PPP1R12B: variants seen among roughly 807,000 people sequenced by gnomAD.
PPP1R12B encodes protein phosphatase 1 regulatory subunit 12B, also known as myosin phosphatase target subunit 2.
In PPP1R12B, 76 loss-of-function variants were observed where a neutral mutation model predicts 126.1. The observed-to-expected ratio is 0.60, with a 90% CI of 0.50 to 0.73. The LOEUF (loss-of-function observed/expected upper bound fraction) is 0.73, where lower values mean the gene tolerates loss of function less well. Among genes scored for constraint, PPP1R12B ranks in the 30% least tolerant of loss-of-function variants. The pLI is 0.00. For missense variants in PPP1R12B, 1,052 were observed against 1,205.1 expected (o/e 0.87, Z 1.88); for synonymous variants, 356 against 434.7 (o/e 0.82, Z 2.25).
chr1:202,402,772 G>A (rs1289458987), intron 1 of PPP1R12B, among the ~76,000 whole-genome samples: 3 of 152,094 alleles, frequency 2.0e-5, no homozygotes, highest in Admixed American at 6.6e-5. Flanking sequence ...CTACAGTGAG[G>A]GGTAACATAT....
At chr1:202,514,579 A>G (rs961641958) in intron 18 of PPP1R12B, among the ~76,000 whole-genome samples, 1 of 152,158 alleles carries the variant, frequency 6.6e-6, no homozygotes, top group African/African-American at 2.4e-5. Context: ...TAAGTCTTTA[A>G]TCCATCCTGA....
intron 1 of PPP1R12B, among the ~76,000 whole-genome samples, chr1:202,397,857 G>C (rs1231295947): frequency 6.6e-6 from 1 of 152,156 alleles, no homozygotes; most frequent in Non-Finnish European, 1.5e-5. Context: ...TGATAGCAAT[G>C]GTAGTAGTAA....
intron 13 of PPP1R12B, among the ~76,000 whole-genome samples, chr1:202,476,782 A>G (rs1676730760): frequency 6.6e-6 from 1 of 152,032 alleles, no homozygotes; most frequent in Non-Finnish European, 1.5e-5. Context: ...TGGAGTGAAC[A>G]TGTTTAAATA....
intron 1 of PPP1R12B, among the ~76,000 whole-genome samples, chr1:202,398,330 A>G (rs1263252718): frequency 6.6e-6 from 1 of 152,238 alleles, no homozygotes; most frequent in Non-Finnish European, 1.5e-5. Flanking sequence ...GGATTTTTAC[A>G]TATGTGACAT....
chr1:202,402,311 C>A (rs1201351670), intron 1 of PPP1R12B, among the ~76,000 whole-genome samples: 3 of 152,212 alleles, frequency 2.0e-5, no homozygotes, highest in Non-Finnish European at 2.9e-5. Context: ...TACCAGTAAG[C>A]TAGTCGGGGA....
intron 13 of PPP1R12B, among the ~76,000 whole-genome samples, chr1:202,453,707 C>CTT (rs60983248): frequency 1.4e-5 from 2 of 145,800 alleles, no homozygotes; most frequent in African/African-American, 2.5e-5. Flanking sequence ...TATAAAGACA[C>CTT]TTTTTTTTTT....
Position 202,563,722 on chromosome 1 carries a change from A to T in PPP1R12B, c.2653-721A>T, listed in dbSNP as rs193140816. Among the ~76,000 whole-genome samples the T allele has an allele frequency of 1.6e-4, 24 of 152,226 alleles. 1 individual carries two copies. The East Asian group carries it at 3.7e-3, about 23-fold the overall frequency. ...AGTACCTAACTCCAAGAGTAGACTTAAAAACCTTCCCTTTCAGGTGTTTGC... is the reference window on the plus strand; with the variant it reads ...AGTACCTAACTCCAAGAGTAGACTTTAAAACCTTCCCTTTCAGGTGTTTGC... On this transcript the variant is annotated intron_variant, in intron 20 of 23. Transcript: ENST00000608999.
chr1:202,493,050 TG>T (rs1679097572), intron 14 of PPP1R12B, 63 bp from the exon 15 acceptor site: 4 of 1,526,382 alleles, frequency 2.6e-6, no homozygotes, highest in Non-Finnish European at 3.6e-6. Context: ...GGAATATTCC[TG>T]ATCAATCAAG....
At chr1:202,573,351 G>C (rs1324926257) in intron 23 of PPP1R12B, among the ~76,000 whole-genome samples, 1 of 152,234 alleles carries the variant, frequency 6.6e-6, no homozygotes, top group African/African-American at 2.4e-5. Context: ...TGGTTAAAGA[G>C]ATTCAGCAGT....
rs572413322 is a variant in PPP1R12B, at chr1:202,494,712, A to AAAAAG, written c.2146-561_2146-557dup. On this transcript the variant is annotated intron_variant, in intron 15 of 23. Coordinates refer to ENST00000608999, the MANE Select transcript of PPP1R12B (RefSeq NM_002481.4). ...CAGAGCAAGACTCCGTCTCAAAAAA[A>AAAAAG]AAAAGAAAAGAAAAGAAAAGAAAAC... is the stretch of plus-strand genomic sequence containing the variant. Among the ~76,000 whole-genome samples, 111 of 152,086 alleles carry AAAAAG rather than the reference A, an allele frequency of 7.3e-4. 1 individual carries two copies. In the East Asian group the frequency reaches 7.9e-3, roughly 11 times the overall value.
intron 1 of PPP1R12B, among the ~76,000 whole-genome samples, chr1:202,384,083 C>T (rs1241292494): frequency 1.3e-5 from 2 of 152,208 alleles, no homozygotes; most frequent in South Asian, 4.1e-4. Flanking sequence ...AAATTGGAGC[C>T]TCATACATTG....
chr1:202,433,531 G>A (rs553663156), intron 8 of PPP1R12B, among the ~76,000 whole-genome samples: 11 of 152,244 alleles, frequency 7.2e-5, no homozygotes, highest in Admixed American at 5.9e-4. Context: ...TCATAATCTA[G>A]CTCTAGCTGA....
intron 18 of PPP1R12B, among the ~76,000 whole-genome samples, chr1:202,554,787 A>G (rs1209596217): frequency 6.6e-6 from 1 of 151,804 alleles, no homozygotes; most frequent in Non-Finnish European, 1.5e-5. Flanking sequence ...AATAAACAAC[A>G]GACTGTGGTG....
In PPP1R12B at chr1:202,492,073, C is replaced by G. The variant is rs77510242; in HGVS notation, c.1942-1041C>G. Among the ~76,000 whole-genome samples, 1,104 of 152,300 alleles carry G rather than the reference C, an allele frequency of 7.2e-3. 18 individuals carry two copies. Among genetic ancestry groups the G allele is most frequent in the African/African-American group, 0.025 (1,034 of 41,544 alleles). On this transcript the variant is annotated intron_variant, in intron 14 of 23. Coordinates refer to ENST00000608999, the MANE Select transcript of PPP1R12B (RefSeq NM_002481.4). ...TTCTGTATCTTTGTACAAGATCCCTCTATCTATAATGCCTTTTCTCCCTCC... is the reference window on the plus strand; with the variant it reads ...TTCTGTATCTTTGTACAAGATCCCTGTATCTATAATGCCTTTTCTCCCTCC...
chr1:202,355,361 A>G (rs1231608405), intron 1 of PPP1R12B, among the ~76,000 whole-genome samples: 1 of 152,212 alleles, frequency 6.6e-6, no homozygotes. Context: ...GGAAACAGAT[A>G]AATAAAAAAA....
At chr1:202,455,205 T>G (rs565281866) in intron 13 of PPP1R12B, among the ~76,000 whole-genome samples, 4,769 of 150,992 alleles carry the variant, frequency 0.032, 217 homozygotes, top group African/African-American at 0.099. Flanking sequence ...TATATATATA[T>G]AGAGAGAGAG....
chr1:202,410,688 A>G (rs1667270155), intron 1 of PPP1R12B, among the ~76,000 whole-genome samples: 1 of 152,214 alleles, frequency 6.6e-6, no homozygotes, highest in African/African-American at 2.4e-5. Flanking sequence ...TATTGGTAAA[A>G]TCAAGTATTT....
chr1:202,445,341 C>T (rs1176237134), intron 12 of PPP1R12B: 4 of 911,194 alleles, frequency 4.4e-6, no homozygotes, highest in Admixed American at 8.6e-5. Flanking sequence ...GTTAGAACTC[C>T]TGAGAAAATG....
rs1364383806 is a variant in PPP1R12B, at chr1:202,425,721, C to A, written c.697C>A (p.Leu233Ile). ...VAAAKGYSEV[L>I]RLLIQAGYEL... ...TGCTGCCAAGGGCTACTCTGAAGTC[C>A]TCAGGTATTGTCCATTTACATCAAT... Residue 233 changes from leucine to isoleucine, a missense_variant, in exon 4 of 24, where the codon CTC becomes ATC. Coordinates refer to ENST00000608999, the MANE Select transcript of PPP1R12B (RefSeq NM_002481.4). 6.2e-7 allele frequency: 1 copy of A among 1,613,004 alleles called. No homozygotes were observed. Among genetic ancestry groups the A allele is most frequent in the Non-Finnish European group, 8.5e-7 (1 of 1,179,412 alleles).
Sources: allele counts gnomAD v4.1 joint callset (sites outside exome capture counted in the v4.1 genomes callset), GRCh38; gene constraint gnomAD v4.1.1; transcripts MANE v1.5; gene names NCBI Gene and HGNC (gene_info 2026-07-23, HGNC 2026-07-21).